CLVS1: variants seen among roughly 807,000 people sequenced by gnomAD.
The protein encoded by CLVS1 is clavesin 1, also known as clavesin-1.
A neutral mutation model predicts 33.1 loss-of-function variants in CLVS1; 10 were observed. The ratio of observed to expected loss-of-function variants is 0.30; its 90% CI spans 0.19 to 0.51. The LOEUF (loss-of-function observed/expected upper bound fraction) is 0.51. CLVS1 is among the 20% of genes least tolerant of loss of function. CLVS1 has a pLI of 0.97. For synonymous variants in CLVS1, 163 were observed against 166.1 expected, an observed-to-expected ratio of 0.98 and a Z score of 0.14; for missense variants, 343 against 433.4, an observed-to-expected ratio of 0.79 and a Z score of 1.85.
the CLVS1 span, among the ~76,000 whole-genome samples, chr8:60,976,037 G>A: frequency 2.0e-5 from 3 of 152,146 alleles, no homozygotes; most frequent in East Asian, 1.9e-4. Context: ...TTGAAAACTC[G>A]TTTTCTCTTT....
chr8:61,075,136 A>G (rs937539207), intron 1 of CLVS1, among the ~76,000 whole-genome samples: 11 of 152,126 alleles, frequency 7.2e-5, no homozygotes, highest in African/African-American at 2.2e-4. Context: ...AGCAGCCTCA[A>G]TGCTTGAGGA....
the CLVS1 span, among the ~76,000 whole-genome samples, chr8:60,977,077 C>T: frequency 2.0e-5 from 3 of 152,188 alleles, no homozygotes; most frequent in African/African-American, 4.8e-5. Flanking sequence ...TGGCTGACTG[C>T]AGAGGCAATG....
chr8:61,358,698 G>A (rs940324811), intron 2 of CLVS1, among the ~76,000 whole-genome samples: 3 of 152,130 alleles, frequency 2.0e-5, no homozygotes, highest in Non-Finnish European at 4.4e-5. Flanking sequence ...CAGAAGAGAG[G>A]CCACCCAAAC....
At chr8:61,234,649 G>A (rs1325568650) in intron 2 of CLVS1, among the ~76,000 whole-genome samples, 2 of 152,122 alleles carry the variant, frequency 1.3e-5, no homozygotes, top group Non-Finnish European at 1.5e-5. Context: ...TGAAGCTTAG[G>A]TGTGTGCATA....
the CLVS1 span, among the ~76,000 whole-genome samples, chr8:61,019,167 CT>C: frequency 6.6e-6 from 1 of 152,242 alleles, no homozygotes; most frequent in African/African-American, 2.4e-5. Context: ...TAAAAGTCAG[CT>C]GGGCTTCTAA....
intron 5 of CLVS1, among the ~76,000 whole-genome samples, chr8:61,488,382 G>T (rs1563577002): frequency 1.3e-5 from 2 of 152,204 alleles, no homozygotes. Flanking sequence ...CTATGAGGGT[G>T]ACTCTGTTTA....
At chr8:61,240,014 G>T (rs1426527437) in intron 2 of CLVS1, among the ~76,000 whole-genome samples, 1 of 152,132 alleles carries the variant, frequency 6.6e-6, no homozygotes, top group Non-Finnish European at 1.5e-5. Context: ...TAAGCCACTA[G>T]ACGAACTCAC....
rs1563392828 is a variant in CLVS1, at chr8:61,074,373, TA to T, written c.-243+17144del. On this transcript the variant is annotated intron_variant, in intron 1 of 2. Coordinates refer to the CLVS1 transcript ENST00000522621. ...ATGTGTGTGTGTGTATATATATATATATAAGTATATGTGTATATATATATGT... is the reference window on the plus strand; with the variant it reads ...ATGTGTGTGTGTGTATATATATATATTAAGTATATGTGTATATATATATGT... Among the ~76,000 whole-genome samples, 553 of 64,890 alleles carry T rather than the reference TA, an allele frequency of 8.5e-3. 39 individuals carry two copies. Among genetic ancestry groups the T allele is most frequent in the African/African-American group, 0.042 (516 of 12,164 alleles). The allele number at this position is 64,890 out of a possible 152,430, so 42.6% of individuals were successfully genotyped here.
At chr8:61,060,569 C>T (rs1804564530) in intron 1 of CLVS1, among the ~76,000 whole-genome samples, 1 of 152,138 alleles carries the variant, frequency 6.6e-6, no homozygotes, top group Non-Finnish European at 1.5e-5. Context: ...AACCCCTCAA[C>T]CTGTGAAATG....
At chr8:61,158,410 T>A (rs904656462) in intron 2 of CLVS1, among the ~76,000 whole-genome samples, 2 of 152,156 alleles carry the variant, frequency 1.3e-5, no homozygotes, top group African/African-American at 4.8e-5. Flanking sequence ...ACAGTACATT[T>A]AAGATCTGAG....
chr8:60,968,506 C>A, the CLVS1 span, among the ~76,000 whole-genome samples: 4 of 117,688 alleles, frequency 3.4e-5, no homozygotes, highest in African/African-American at 1.0e-4. Context: ...CAGAACAAGA[C>A]TCCGTTTCAA....
chr8:61,064,889 G>T (rs759731813), intron 1 of CLVS1, among the ~76,000 whole-genome samples: 3 of 152,168 alleles, frequency 2.0e-5, no homozygotes, highest in Non-Finnish European at 4.4e-5. Context: ...TTTTAGTAGA[G>T]ACAGGGTTTC....
chr8:61,075,414 C>T (rs764342880), intron 1 of CLVS1, among the ~76,000 whole-genome samples: 3 of 152,186 alleles, frequency 2.0e-5, no homozygotes, highest in Non-Finnish European at 2.9e-5. Flanking sequence ...GTTGACAAAG[C>T]TCCAACATCT....
intron 2 of CLVS1, among the ~76,000 whole-genome samples, chr8:61,272,443 A>C (rs1397245627): frequency 1.3e-5 from 2 of 151,492 alleles, no homozygotes; most frequent in Non-Finnish European, 3.0e-5. Context: ...CCTTCATTTC[A>C]ACTTTGGTGA....
chr8:61,308,637 C>T (rs1810723901), intron 2 of CLVS1, among the ~76,000 whole-genome samples: 1 of 152,146 alleles, frequency 6.6e-6, no homozygotes, highest in Non-Finnish European at 1.5e-5. Context: ...TCCATATTTC[C>T]AGCACCCTTA....
the CLVS1 span, among the ~76,000 whole-genome samples, chr8:60,987,973 C>A: frequency 6.6e-6 from 1 of 152,028 alleles, no homozygotes; most frequent in Non-Finnish European, 1.5e-5. Context: ...TGAAGGTAGT[C>A]TGAAATGGGG....
chr8:61,026,021 AC>A, the CLVS1 span, among the ~76,000 whole-genome samples: 1 of 145,620 alleles, frequency 6.9e-6, no homozygotes, highest in African/African-American at 2.5e-5. Flanking sequence ...TGAATGTCCC[AC>A]CCCCCTTCCC....
intron 2 of CLVS1, among the ~76,000 whole-genome samples, chr8:61,148,243 A>G (rs1806457235): frequency 6.6e-6 from 1 of 152,238 alleles, no homozygotes; most frequent in Admixed American, 6.5e-5. Context: ...TGGATCAGTA[A>G]CTGCTTGAAT....
chr8:61,066,222 A>C (rs903910510), intron 1 of CLVS1, among the ~76,000 whole-genome samples: 12 of 152,236 alleles, frequency 7.9e-5, no homozygotes, highest in Non-Finnish European at 1.5e-4. Flanking sequence ...GTGGCCAGGC[A>C]TGATGGCTCA....
Sources: allele counts gnomAD v4.1 joint callset (sites outside exome capture counted in the v4.1 genomes callset), GRCh38; gene constraint gnomAD v4.1.1; transcripts MANE v1.5; gene names NCBI Gene and HGNC (gene_info 2026-07-23, HGNC 2026-07-21).